The following PCDHA12 variants were observed in gnomAD, a reference collection of about 807,000 sequenced individuals.
The protein encoded by PCDHA12 is protocadherin alpha 12.
PCDHA12 carries 44 observed loss-of-function variants against 60.0 expected under a neutral mutation model. The ratio of observed to expected loss-of-function variants is 0.73; its 90% CI spans 0.58 to 0.94. The LOEUF (loss-of-function observed/expected upper bound fraction) is 0.94. Ranked by LOEUF, PCDHA12 falls within the 40% of genes least tolerant of loss-of-function variation. The probability of loss-of-function intolerance (pLI) is 0.00; values close to 1 mark genes in which losing one functional copy is unlikely to be tolerated. For missense variants in PCDHA12, 1,276 were observed against 1,239.7 expected, an observed-to-expected ratio of 1.03 and a Z score of -0.44; for synonymous variants, 569 against 553.0, an observed-to-expected ratio of 1.03 and a Z score of -0.40.
chr5:140,927,008 TCTCCGCGGACTTGAGGCTGCCAG>T (rs782232084), intron 1 of PCDHA12: 1 of 1,612,514 alleles, frequency 6.2e-7, no homozygotes, highest in South Asian at 1.1e-5. Flanking sequence ...GTAGGCAATC[TCTCCGCGGACTTGAGGCTGCCAG>T]CGGCCGCTAT....
At chr5:140,993,984 CACTT>C (rs2097589955) in intron 3 of PCDHA12, among the ~76,000 whole-genome samples, 1 of 152,114 alleles carries the variant, frequency 6.6e-6, no homozygotes, top group Non-Finnish European at 1.5e-5. Flanking sequence ...ATTTATTAAG[CACTT>C]AGGTCAGGCC....
intron 1 of PCDHA12, among the ~76,000 whole-genome samples, chr5:140,893,642 T>C (rs1479834135): frequency 1.3e-5 from 2 of 152,230 alleles, no homozygotes; most frequent in African/African-American, 2.4e-5. Context: ...TATAGTATTT[T>C]TGGCTGATAG....
intron 1 of PCDHA12, among the ~76,000 whole-genome samples, chr5:140,893,927 T>C (rs1251170255): frequency 1.3e-5 from 2 of 152,212 alleles, no homozygotes; most frequent in Non-Finnish European, 2.9e-5. Flanking sequence ...TTTCAGAATC[T>C]CTACCTGTTA....
chr5:140,967,107 G>A (rs782199698), intron 1 of PCDHA12: 12 of 1,612,876 alleles, frequency 7.4e-6, no homozygotes, highest in Non-Finnish European at 9.3e-6. Context: ...TGTGAGCAGC[G>A]GCCTCGCTGC....
chr5:140,916,092 A>T (rs1396935399), intron 1 of PCDHA12, among the ~76,000 whole-genome samples: 1 of 152,092 alleles, frequency 6.6e-6, no homozygotes, highest in Non-Finnish European at 1.5e-5. Flanking sequence ...GTCCACAGGG[A>T]ATCTGCCTGG....
intron 1 of PCDHA12, among the ~76,000 whole-genome samples, chr5:140,978,464 C>T (rs1281042342): frequency 5.3e-5 from 8 of 152,226 alleles, no homozygotes; most frequent in Non-Finnish European, 2.9e-5. Flanking sequence ...CGCCCTGGGT[C>T]AAATATGCTG....
chr5:140,966,351 T>C (rs2095993357), intron 1 of PCDHA12: 1 of 397,668 alleles, frequency 2.5e-6, no homozygotes, highest in South Asian at 1.4e-4. Flanking sequence ...GTGAAGGAGA[T>C]GGGGCTGGAG....
chr5:140,883,827 T>G, intron 1 of PCDHA12: 1 of 1,612,546 alleles, frequency 6.2e-7, no homozygotes, highest in South Asian at 1.1e-5. Context: ...GTGTACGCGC[T>G]GCAGCCGTTG....
In PCDHA12 at chr5:140,877,594, T is replaced by G. The variant is rs782719581; in HGVS notation, c.2122T>G (p.Ser708Ala). The G allele has an allele frequency of 6.8e-5, 110 of 1,613,680 alleles. No homozygotes were observed. The highest frequency in any genetic ancestry group is 9.3e-5 in the Non-Finnish European group (110 of 1,179,894). ...VYLIIAICAV[S>A]SLLVLTLLLY... Reference sequence around the variant, plus strand: ...CCTCATCATCGCCATCTGTGCGGTGTCCAGCCTGCTGGTGCTCACGCTGCT... The same window carrying G: ...CCTCATCATCGCCATCTGTGCGGTGGCCAGCCTGCTGGTGCTCACGCTGCT... Residue 708 changes from serine (S) to alanine (A), a missense_variant, in exon 1 of 4, where the codon TCC becomes GCC. By Grantham distance (99) the Ser-to-Ala change is moderately conservative (BLOSUM62 1). Transcript: ENST00000398631.
intron 1 of PCDHA12, chr5:140,966,850 C>A: frequency 6.4e-7 from 1 of 1,572,900 alleles, no homozygotes; most frequent in Non-Finnish European, 8.6e-7. Flanking sequence ...TACTGCCTCT[C>A]CTGCTGCTGT....
chr5:140,952,914 T>C (rs1020868857), intron 1 of PCDHA12, among the ~76,000 whole-genome samples: 1 of 151,982 alleles, frequency 6.6e-6, no homozygotes, highest in South Asian at 2.1e-4. Context: ...TCATCTTACA[T>C]GGCATGAGCA....
chr5:140,875,467 T>G lies in PCDHA12; in HGVS notation c.-6T>G. 2 of 1,600,082 alleles carry G rather than the reference T, an allele frequency of 1.2e-6. No homozygotes were observed. Among genetic ancestry groups the G allele is most frequent in the Non-Finnish European group, 1.7e-6 (2 of 1,172,940 alleles). ...TGTCCCAACTCAGAGGCCCTCATTT[T>G]CTGCAATGGTGATTATCGGACCAAG... On this transcript the variant is annotated 5_prime_UTR_variant, in exon 1 of 4. Transcript: ENST00000398631.
At chr5:140,900,494 C>G (rs2068089293) in intron 1 of PCDHA12, among the ~76,000 whole-genome samples, 1 of 152,202 alleles carries the variant, frequency 6.6e-6, no homozygotes, top group Admixed American at 6.5e-5. Context: ...TCAGACTGGT[C>G]TCAAATTCCC....
At chr5:140,894,957 T>C (rs530563833) in intron 1 of PCDHA12, among the ~76,000 whole-genome samples, 1 of 152,206 alleles carries the variant, frequency 6.6e-6, no homozygotes, top group African/African-American at 2.4e-5. Flanking sequence ...ATGATAAAAA[T>C]ATAATTTTTT....
chr5:140,971,599 A>G (rs891227830), intron 1 of PCDHA12, among the ~76,000 whole-genome samples: 1 of 152,140 alleles, frequency 6.6e-6, no homozygotes, highest in African/African-American at 2.4e-5. Flanking sequence ...GTTACTACAG[A>G]TGGCAGGAGA....
intron 1 of PCDHA12, among the ~76,000 whole-genome samples, chr5:140,959,108 C>T (rs1299073504): frequency 1.3e-5 from 2 of 151,918 alleles, no homozygotes; most frequent in East Asian, 3.9e-4. Flanking sequence ...AGCAGGGGTC[C>T]GAAGGTGGGC....
At chr5:140,964,401 G>A (rs1230382796) in intron 1 of PCDHA12, among the ~76,000 whole-genome samples, 6 of 152,166 alleles carry the variant, frequency 3.9e-5, no homozygotes, top group Admixed American at 2.0e-4. Flanking sequence ...CCCAAGACAT[G>A]ACATTTGGGG....
chr5:140,920,728 C>T (rs781955762), intron 1 of PCDHA12, among the ~76,000 whole-genome samples: 8 of 151,974 alleles, frequency 5.3e-5, no homozygotes, highest in Non-Finnish European at 1.0e-4. Context: ...CCTGCAGTCC[C>T]AGCTACTCAG....
chr5:140,919,733 AG>A (rs1426663186), intron 1 of PCDHA12, among the ~76,000 whole-genome samples: 1 of 152,194 alleles, frequency 6.6e-6, no homozygotes, highest in Admixed American at 6.5e-5. Flanking sequence ...TGTTACTTCT[AG>A]ATAGCTTTAT....
Sources: gnomAD v4.1 joint callset for allele counts (sites outside exome capture counted in the v4.1 genomes callset) on GRCh38, gnomAD v4.1.1 for gene constraint, MANE v1.5 for transcripts, NCBI Gene and HGNC (gene_info 2026-07-23, HGNC 2026-07-21) for gene names.